The following NRXN2 variants were observed in gnomAD, a reference collection of about 807,000 sequenced individuals.
NRXN2 encodes neurexin-2-beta.
A neutral mutation model predicts 128.8 loss-of-function variants in NRXN2; 29 were observed. The observed-to-expected ratio is 0.23, with a 90% confidence interval of 0.17 to 0.31. The LOEUF is 0.31. Ranked by LOEUF, NRXN2 falls within the 10% of genes least tolerant of loss-of-function variation. The pLI, the probability that NRXN2 is intolerant of heterozygous loss-of-function variation, is 1.00. For synonymous variants in NRXN2, 1,098 were observed against 1,075.2 expected (o/e 1.02, Z -0.41); for missense variants, 1,881 against 2,452.6 (o/e 0.77, Z 4.92).
In NRXN2 at chr11:64,607,902, TGGCACG is replaced by T; in HGVS notation, c.4427_4432del (p.Pro1476_Cys1477del). 1 of 1,564,974 alleles carries T rather than the reference TGGCACG, an allele frequency of 6.4e-7. No individual in the cohort carries two copies. The highest frequency in any genetic ancestry group is 8.6e-7 in the Non-Finnish European group (1 of 1,156,640). On this transcript the variant is annotated inframe_deletion, in exon 23 of 23. Transcript: ENST00000265459. ...GCAGTCGCTGTCGTCCCGCTCGGCC[TGGCACG>T]GGCCCCCAGAGGGCGGGCGGCGCGC...
chr11:64,629,753 T>C (rs1335079402), intron 19 of NRXN2, among the ~76,000 whole-genome samples: 2 of 152,210 alleles, frequency 1.3e-5, no homozygotes, highest in African/African-American at 2.4e-5. Context: ...ACAAAGGTTA[T>C]TGAACGCACA....
Position 64,651,784 on chromosome 11 carries a change from C to A in NRXN2, c.2537-148G>T. 1.3e-5 allele frequency: 13 copies of A among 1,017,656 alleles called. No homozygotes were observed. Among genetic ancestry groups the A allele is most frequent in the Non-Finnish European group, 1.9e-5 (13 of 685,112 alleles). 63.0% of individuals were successfully genotyped at this position (1,017,656 alleles called of 1,614,324 possible). On this transcript the variant is annotated intron_variant, in intron 13 of 22. Coordinates refer to ENST00000265459, the MANE Select transcript of NRXN2 (RefSeq NM_015080.4). The surrounding 1 kb of genome is among the most constrained non-coding windows in gnomAD (Gnocchi z 5.9). ...GGCTAGGCACTAGCAGCCAGCACAG[C>A]TCCAAGAGGAGTGGCAGGACTCGCC...
chr11:64,712,266 C>G (rs1464424288), intron 2 of NRXN2, among the ~76,000 whole-genome samples: 1 of 151,140 alleles, frequency 6.6e-6, no homozygotes, highest in Non-Finnish European at 1.5e-5. Flanking sequence ...CACAGCCTCA[C>G]ACAAGGTCTG....
Position 64,685,907 on chromosome 11 carries a change from G to A in NRXN2, c.891C>T (p.Phe297=). The change falls in exon 6 of 23, where the codon TTC becomes TTT. Residue 297 remains phenylalanine (F), a synonymous_variant. Coordinates refer to ENST00000265459, the MANE Select transcript of NRXN2 (RefSeq NM_015080.4). ...GGTTGTGTGACAGGTCGTAGCAGAA[G>A]AACTCATTGCCTTTGAAGGTCGCCA... ...EFVATFKGNE[F]FCYDLSHNPI... is the part of the protein sequence containing the mutation. 1 of 1,614,198 alleles carries A rather than the reference G, an allele frequency of 6.2e-7. No homozygotes were observed. The highest frequency in any genetic ancestry group is 1.1e-5 in the South Asian group (1 of 91,086).
intron 19 of NRXN2, among the ~76,000 whole-genome samples, chr11:64,627,678 G>A (rs1276174711): frequency 6.6e-6 from 1 of 152,164 alleles, no homozygotes; most frequent in Non-Finnish European, 1.5e-5. Flanking sequence ...AGACGCCTAT[G>A]TGGAAAGAGG....
In NRXN2 at chr11:64,632,031, G is replaced by A. The variant is rs1044796542; in HGVS notation, c.3586-1458C>T. 2.6e-5 allele frequency among the ~76,000 whole-genome samples: 4 copies of A among 152,230 alleles called. No homozygotes were observed. Among genetic ancestry groups the A allele is most frequent in the Non-Finnish European group, 5.9e-5 (4 of 68,042 alleles). On this transcript the variant is annotated intron_variant, in intron 18 of 22. Coordinates refer to ENST00000265459, the MANE Select transcript of NRXN2 (RefSeq NM_015080.4). This position sits in a 1 kb window ranked among gnomAD's most constrained non-coding sequence, Gnocchi z 4.2. Reference sequence around the variant, plus strand: ...GACTGCCCCAGTCTGGCCTGGACATGTGGAACATTCAGCTGCCACCTCCTT... The same window carrying A: ...GACTGCCCCAGTCTGGCCTGGACATATGGAACATTCAGCTGCCACCTCCTT...
chr11:64,642,877 C>T (rs575121691), intron 17 of NRXN2: 8 of 1,033,638 alleles, frequency 7.7e-6, no homozygotes, highest in Non-Finnish European at 9.3e-6. Context: ...CCCCGCGAAG[C>T]CCCCCTCCGG....
chr11:64,606,595 C>T lies in NRXN2; in HGVS notation c.*601G>A, dbSNP rs1383350154. ...TGGTGAGGGGAGTTGGGGCACTTGC[C>T]CCACCCCACCCCACCCACCCACTGG... On this transcript the variant is annotated 3_prime_UTR_variant, in exon 23 of 23. Transcript: ENST00000265459. The T allele has an allele frequency of 6.8e-6, 1 of 147,096 alleles. No homozygotes were observed. The highest frequency in any genetic ancestry group is 2.5e-5 in the African/African-American group (1 of 39,858). The allele number at this position is 147,096 out of a possible 1,614,324, so 9.1% of individuals were successfully genotyped here. A position where few individuals can be genotyped will look rare whatever the true frequency, so the allele number is the denominator to read the frequency against.
intron 22 of NRXN2, among the ~76,000 whole-genome samples, chr11:64,616,188 C>T (rs2041489513): frequency 6.6e-6 from 1 of 152,148 alleles, no homozygotes; most frequent in Non-Finnish European, 1.5e-5. Context: ...TACCCAGGTG[C>T]ACATTTGTGT....
At chr11:64,666,572 T>C (rs2135507197) in intron 9 of NRXN2, among the ~76,000 whole-genome samples, 1 of 151,784 alleles carries the variant, frequency 6.6e-6, no homozygotes, top group Admixed American at 6.6e-5. Flanking sequence ...AGATATATTC[T>C]TTTTTCTCTG....
intron 21 of NRXN2, among the ~76,000 whole-genome samples, chr11:64,621,052 G>A (rs1182844383): frequency 6.6e-6 from 1 of 152,060 alleles, no homozygotes. Context: ...CAGGCAAGAA[G>A]GGAGCGCGAG....
chr11:64,683,649 A>T (rs1001402864), intron 6 of NRXN2, among the ~76,000 whole-genome samples: 1 of 151,968 alleles, frequency 6.6e-6, no homozygotes, highest in Non-Finnish European at 1.5e-5. Context: ...AAAGAAAAGA[A>T]ATTCCCCCAG....
intron 2 of NRXN2, among the ~76,000 whole-genome samples, chr11:64,707,848 C>T (rs1235778851): frequency 6.6e-6 from 1 of 152,186 alleles, no homozygotes; most frequent in East Asian, 1.9e-4. Flanking sequence ...AATCCCAACA[C>T]TTTGGGAGGC....
intron 6 of NRXN2, among the ~76,000 whole-genome samples, chr11:64,680,832 C>T (rs1394382827): frequency 6.6e-6 from 1 of 152,082 alleles, no homozygotes; most frequent in Non-Finnish European, 1.5e-5. Context: ...CACAGTGGCT[C>T]ACGCCTGTAA....
At chr11:64,666,595 G>A (rs1479916640) in intron 9 of NRXN2, among the ~76,000 whole-genome samples, 2 of 150,236 alleles carry the variant, frequency 1.3e-5, no homozygotes. Flanking sequence ...ACAGAGTCTC[G>A]CTCTGTCGCT....
chr11:64,689,103 G>T (rs911593507), intron 5 of NRXN2, among the ~76,000 whole-genome samples: 1 of 152,150 alleles, frequency 6.6e-6, no homozygotes, highest in Non-Finnish European at 1.5e-5. Flanking sequence ...TGCACAGGCT[G>T]CTGTGGGCAC....
chr11:64,692,524 CA>C (rs1420378484), intron 4 of NRXN2, among the ~76,000 whole-genome samples: 1 of 151,858 alleles, frequency 6.6e-6, no homozygotes, highest in Non-Finnish European at 1.5e-5. Flanking sequence ...CAGGAAAACG[CA>C]AAAAAAGGGT....
At chr11:64,697,705 C>T (rs2054757732) in intron 3 of NRXN2, 70 bp downstream of exon 3, 15 of 1,576,860 alleles carry the variant, frequency 9.5e-6, no homozygotes, top group East Asian at 6.7e-5. Context: ...GGGTAGCCAA[C>T]GACAGTCCCT....
At chr11:64,642,777 C>T in intron 17 of NRXN2, 1 of 1,177,324 alleles carries the variant, frequency 8.5e-7, no homozygotes. Context: ...GCGGGCACCC[C>T]CCCGGCCCGC....
Sources: allele counts gnomAD v4.1 joint callset (sites outside exome capture counted in the v4.1 genomes callset), GRCh38; gene constraint gnomAD v4.1.1; non-coding constraint Gnocchi (gnomAD v3.1); transcripts MANE v1.5; gene names NCBI Gene and HGNC (gene_info 2026-07-23, HGNC 2026-07-21).